Variants in SLC15A1 observed in about 807,000 individuals in gnomAD.
SLC15A1 encodes the protein Caco-2 oligopeptide transporter.
SLC15A1 carries 83 observed loss-of-function variants against 92.9 expected under a neutral mutation model. That is an observed-to-expected ratio of 0.89 (90% CI 0.75 to 1.07). The LOEUF is 1.07. Among genes scored for constraint, SLC15A1 ranks in the 50% least tolerant of loss-of-function variants. The pLI is 0.00. For missense variants in SLC15A1, 857 were observed against 880.1 expected, an observed-to-expected ratio of 0.97 and a Z score of 0.33; for synonymous variants, 322 against 318.2, an observed-to-expected ratio of 1.01 and a Z score of -0.13.
Position 98,752,623 on chromosome 13 carries a change from G to A in SLC15A1, c.-25C>T. ...TGGCGGCGGCTCCCAGGGCTCCTGC[G>A]ACCTGCCGGCGGGACGTGCTCCTGG... On this transcript the variant is annotated 5_prime_UTR_variant, in exon 1 of 23. Transcript: ENST00000376503. The A allele has an allele frequency of 8.0e-7, 1 of 1,252,268 alleles. No homozygotes were observed. The highest frequency in any genetic ancestry group is 1.0e-6 in the Non-Finnish European group (1 of 998,080). 77.6% of individuals were successfully genotyped at this position (1,252,268 alleles called of 1,614,324 possible). A position where few individuals can be genotyped will look rare whatever the true frequency, so the allele number is the denominator to read the frequency against.
intron 18 of SLC15A1, among the ~76,000 whole-genome samples, chr13:98,700,507 A>AG (rs2088058642): frequency 6.7e-6 from 1 of 148,726 alleles, no homozygotes; most frequent in East Asian, 2.0e-4. Flanking sequence ...AAAAAAAAAA[A>AG]GGGTGACATC....
chr13:98,711,758 T>A, intron 11 of SLC15A1, 96 bp downstream of exon 11: 1 of 816,554 alleles, frequency 1.2e-6, no homozygotes, highest in South Asian at 1.7e-5. Context: ...GGAGGAGAAC[T>A]TTTTAGATGT....
At chr13:98,709,468 T>A (rs895295754) in intron 14 of SLC15A1, 104 bp downstream of exon 14, 6 of 798,110 alleles carry the variant, frequency 7.5e-6, no homozygotes, top group Admixed American at 7.2e-5. Flanking sequence ...CAAAACCCTA[T>A]CCTCTAGGCG....
intron 1 of SLC15A1, among the ~76,000 whole-genome samples, chr13:98,731,574 C>T (rs1346940671): frequency 1.3e-5 from 2 of 152,134 alleles, no homozygotes; most frequent in Non-Finnish European, 2.9e-5. Context: ...ACCCAAATCA[C>T]CCAAATCCAG....
chr13:98,703,617 C>T (rs2088088299), intron 17 of SLC15A1, among the ~76,000 whole-genome samples: 1 of 126,080 alleles, frequency 7.9e-6, no homozygotes, highest in South Asian at 2.8e-4. Context: ...AGCACATTGG[C>T]ATGAACATGG....
chr13:98,698,908 G>T (rs1396726813), intron 18 of SLC15A1, among the ~76,000 whole-genome samples: 1 of 152,100 alleles, frequency 6.6e-6, no homozygotes, highest in Admixed American at 6.6e-5. Context: ...TGGAGACTGG[G>T]GTTGAACGTT....
At chr13:98,699,561 C>G (rs1367601866) in intron 18 of SLC15A1, among the ~76,000 whole-genome samples, 1 of 152,176 alleles carries the variant, frequency 6.6e-6, no homozygotes, top group African/African-American at 2.4e-5. Flanking sequence ...TGATTATAAC[C>G]AGAGCTTCTA....
At chr13:98,721,468 C>G in intron 7 of SLC15A1, 27 bp downstream of exon 7, 2 of 1,546,458 alleles carry the variant, frequency 1.3e-6, no homozygotes, top group Non-Finnish European at 1.8e-6. Flanking sequence ...AAAAGACCAA[C>G]AGAAGTTCCT....
chr13:98,697,237 G>T (rs1359718237), intron 18 of SLC15A1, among the ~76,000 whole-genome samples: 1 of 152,086 alleles, frequency 6.6e-6, no homozygotes, highest in Non-Finnish European at 1.5e-5. Context: ...TGTATTTTTA[G>T]TAGAGACGGA....
chr13:98,727,143 C>T (rs984967103), intron 1 of SLC15A1, among the ~76,000 whole-genome samples: 1 of 152,216 alleles, frequency 6.6e-6, no homozygotes, highest in Non-Finnish European at 1.5e-5. Context: ...TCCTGAAACA[C>T]TTCAAAGGCC....
At chr13:98,705,202 GAAAAA>G (rs33982897) in intron 16 of SLC15A1, among the ~76,000 whole-genome samples, 1 of 127,112 alleles carries the variant, frequency 7.9e-6, no homozygotes, top group Non-Finnish European at 1.6e-5. Flanking sequence ...CTGTATTTAA[GAAAAA>G]AAAAAAAAAA....
intron 1 of SLC15A1, among the ~76,000 whole-genome samples, chr13:98,744,166 G>A (rs1164494709): frequency 6.6e-6 from 1 of 150,452 alleles, no homozygotes; most frequent in Non-Finnish European, 1.5e-5. Context: ...GCTTAAGCCA[G>A]GGAGGTCAAG....
At chr13:98,705,575 G>A (rs1302455623) in intron 16 of SLC15A1, among the ~76,000 whole-genome samples, 1 of 152,140 alleles carries the variant, frequency 6.6e-6, no homozygotes, top group East Asian at 1.9e-4. Context: ...GTTAAATGCA[G>A]CATTTCAGGC....
chr13:98,715,896 T>G lies in SLC15A1; in HGVS notation c.705A>C (p.Lys235Asn). 6.2e-7 allele frequency: 1 copy of G among 1,614,144 alleles called. No homozygotes were observed. The highest frequency in any genetic ancestry group is 8.5e-7 in the Non-Finnish European group (1 of 1,179,988). The change falls in exon 9 of 23, where the codon AAA (lysine) becomes AAC (asparagine). Residue 235 changes from lysine (K) to asparagine (N), a missense_variant. Coordinates refer to ENST00000376503, the MANE Select transcript of SLC15A1 (RefSeq NM_005073.4). ...KFKPQGNIMG[K>N]VAKCIGFAIK... ...TACTTACACCGATGCACTTGGCCAC[T>G]TTACCCATGATGTTGCCCTGTGGCT...
chr13:98,728,291 G>A (rs1383318555), intron 1 of SLC15A1, among the ~76,000 whole-genome samples: 3 of 152,152 alleles, frequency 2.0e-5, no homozygotes, highest in Non-Finnish European at 4.4e-5. Flanking sequence ...GGTACCTCTG[G>A]CCCTATTCTT....
chr13:98,745,443 A>G (rs753146147), intron 1 of SLC15A1, among the ~76,000 whole-genome samples: 1 of 152,118 alleles, frequency 6.6e-6, no homozygotes, highest in Non-Finnish European at 1.5e-5. Context: ...TCAGAACTTG[A>G]CCTTATTTGG....
intron 18 of SLC15A1, among the ~76,000 whole-genome samples, chr13:98,699,583 G>T (rs1267117629): frequency 6.6e-6 from 1 of 152,202 alleles, no homozygotes; most frequent in Non-Finnish European, 1.5e-5. Flanking sequence ...AAACATTCAT[G>T]TGTGGGCTTT....
chr13:98,726,211 T>C lies in SLC15A1; in HGVS notation c.157A>G (p.Thr53Ala). 6.2e-7 allele frequency: 1 copy of C among 1,613,664 alleles called. No homozygotes were observed. Among genetic ancestry groups the C allele is most frequent in the Non-Finnish European group, 8.5e-7 (1 of 1,179,912 alleles). ...GCCACAAACGTATGGTAGATGGCGG[T>C]GGACAGGTTATCATCCCAGCTGATG... The part of the protein sequence containing the change: ...NFISWDDNLS[T>A]AIYHTFVALC... Residue 53 changes from threonine (T) to alanine (A), a missense_variant, in exon 4 of 23, where the codon ACC becomes GCC. Thr to Ala is a moderately conservative substitution (Grantham distance 58). Transcript: ENST00000376503.
At chr13:98,698,568 A>C (rs1206557931) in intron 18 of SLC15A1, among the ~76,000 whole-genome samples, 1 of 152,126 alleles carries the variant, frequency 6.6e-6, no homozygotes, top group Non-Finnish European at 1.5e-5. Flanking sequence ...CGGCCTCCCG[A>C]GTAGCTGGGA....
Sources: allele counts gnomAD v4.1 joint callset (sites outside exome capture counted in the v4.1 genomes callset), GRCh38; gene constraint gnomAD v4.1.1; transcripts MANE v1.5; gene names NCBI Gene and HGNC (gene_info 2026-07-23, HGNC 2026-07-21).